The following ASIC2 variants were observed in gnomAD, a reference collection of about 807,000 sequenced individuals.
The protein encoded by ASIC2 is acid-sensing ion channel 2.
In ASIC2, 25 loss-of-function variants were observed where a neutral mutation model predicts 57.3. That is an observed-to-expected ratio of 0.44 (90% CI 0.32 to 0.61). The LOEUF (loss-of-function observed/expected upper bound fraction) is 0.61. ASIC2 is among the 20% of genes least tolerant of loss of function. The probability of loss-of-function intolerance (pLI) is 0.06; values close to 1 mark genes in which losing one functional copy is unlikely to be tolerated. For missense variants in ASIC2, 641 were observed against 738.1 expected (o/e 0.87, Z 1.52); for synonymous variants, 319 against 307.5 (o/e 1.04, Z -0.39).
At chr17:34,130,074 G>A (rs1911905051) in intron 1 of ASIC2, among the ~76,000 whole-genome samples, 1 of 152,190 alleles carries the variant, frequency 6.6e-6, no homozygotes, top group African/African-American at 2.4e-5. Context: ...CTATTGCTCT[G>A]CACTCTTCAG....
intron 1 of ASIC2, among the ~76,000 whole-genome samples, chr17:33,145,207 T>C (rs1402361272): frequency 6.6e-6 from 1 of 152,252 alleles, no homozygotes; most frequent in East Asian, 1.9e-4. Flanking sequence ...CTGGGTGGAC[T>C]GGGGAAGGCA....
intron 1 of ASIC2, among the ~76,000 whole-genome samples, chr17:33,718,410 C>A (rs956941209): frequency 6.6e-6 from 1 of 151,494 alleles, no homozygotes; most frequent in Non-Finnish European, 1.5e-5. Context: ...GTGGAAGGGG[C>A]CAGAGAGAAC....
chr17:33,146,759 C>T (rs1436904146), intron 1 of ASIC2, among the ~76,000 whole-genome samples: 1 of 152,232 alleles, frequency 6.6e-6, no homozygotes, highest in Non-Finnish European at 1.5e-5. Flanking sequence ...TTGCAAAGAA[C>T]AGCCGAGGCC....
At chr17:33,411,257 C>G (rs973804276) in intron 1 of ASIC2, among the ~76,000 whole-genome samples, 2 of 152,030 alleles carry the variant, frequency 1.3e-5, no homozygotes, top group Non-Finnish European at 2.9e-5. Context: ...AATTTTCTAC[C>G]CTATTGTTTT....
chr17:33,235,733 T>A (rs1296064205), intron 1 of ASIC2, among the ~76,000 whole-genome samples: 1 of 152,140 alleles, frequency 6.6e-6, no homozygotes, highest in Non-Finnish European at 1.5e-5. Context: ...GGTGCCAGAT[T>A]AAGATGAATT....
intron 1 of ASIC2, among the ~76,000 whole-genome samples, chr17:33,521,020 C>T (rs1169946686): frequency 2.0e-5 from 3 of 151,942 alleles, no homozygotes; most frequent in Non-Finnish European, 4.4e-5. Context: ...TTATGGCAGC[C>T]AGGAGTCTGA....
chr17:33,790,198 A>C (rs151319790), intron 1 of ASIC2, among the ~76,000 whole-genome samples: 1 of 152,198 alleles, frequency 6.6e-6, no homozygotes, highest in Non-Finnish European at 1.5e-5. Context: ...AAAATTCTTG[A>C]ATTTGTAAGA....
At chr17:33,995,266 T>C (rs1597966525) in intron 1 of ASIC2, among the ~76,000 whole-genome samples, 1 of 152,282 alleles carries the variant, frequency 6.6e-6, no homozygotes, top group South Asian at 2.1e-4. Context: ...TGGATAAAAT[T>C]GGGCAAGTGG....
intron 1 of ASIC2, among the ~76,000 whole-genome samples, chr17:33,502,549 C>G (rs952208001): frequency 6.6e-6 from 1 of 152,240 alleles, no homozygotes; most frequent in Non-Finnish European, 1.5e-5. Flanking sequence ...TCCATCTGTG[C>G]TTCCAGGAGA....
At chr17:33,612,914 C>T (rs1905457969) in intron 1 of ASIC2, among the ~76,000 whole-genome samples, 1 of 152,170 alleles carries the variant, frequency 6.6e-6, no homozygotes, top group African/African-American at 2.4e-5. Context: ...TCCATTATCT[C>T]TTCTGTTCCA....
chr17:33,747,511 T>C (rs560689123), intron 1 of ASIC2, among the ~76,000 whole-genome samples: 4 of 152,134 alleles, frequency 2.6e-5, no homozygotes, highest in African/African-American at 4.8e-5. Flanking sequence ...GCGTACTCCA[T>C]TGTGCCTGGC....
intron 1 of ASIC2, among the ~76,000 whole-genome samples, chr17:33,835,035 G>A (rs554052702): frequency 7.2e-5 from 11 of 152,344 alleles, no homozygotes; most frequent in Non-Finnish European, 1.5e-4. Flanking sequence ...CTAGCACTGT[G>A]GGTGTAGTAA....
chr17:33,457,355 T>C (rs1912486114), intron 1 of ASIC2, among the ~76,000 whole-genome samples: 1 of 152,138 alleles, frequency 6.6e-6, no homozygotes, highest in Non-Finnish European at 1.5e-5. Flanking sequence ...ATTGAGTCTA[T>C]TTACTGAGTG....
chr17:33,483,683 G>C (rs1410012665), intron 1 of ASIC2, among the ~76,000 whole-genome samples: 1 of 152,184 alleles, frequency 6.6e-6, no homozygotes, highest in Non-Finnish European at 1.5e-5. Flanking sequence ...ACTGTGGTTT[G>C]GTGACTATTC....
chr17:33,479,250 C>T (rs942558558), intron 1 of ASIC2, among the ~76,000 whole-genome samples: 1 of 152,142 alleles, frequency 6.6e-6, no homozygotes, highest in Non-Finnish European at 1.5e-5. Flanking sequence ...CCGCCCACCT[C>T]AGCCTCCCAA....
chr17:33,363,262 A>T (rs1014057345), intron 1 of ASIC2, among the ~76,000 whole-genome samples: 2 of 152,204 alleles, frequency 1.3e-5, no homozygotes, highest in Non-Finnish European at 2.9e-5. Context: ...GGAAGAGCAG[A>T]AGACAGCCTG....
intron 1 of ASIC2, among the ~76,000 whole-genome samples, chr17:33,744,672 T>C (rs1337582076): frequency 6.6e-6 from 1 of 152,172 alleles, no homozygotes; most frequent in Non-Finnish European, 1.5e-5. Context: ...AACAAAAATG[T>C]GTGACCCATA....
chr17:34,087,953 CAAAGTT>C (rs1179142884), intron 1 of ASIC2, among the ~76,000 whole-genome samples: 1 of 152,080 alleles, frequency 6.6e-6, no homozygotes, highest in African/African-American at 2.4e-5. Flanking sequence ...AAATTTTTTT[CAAAGTT>C]TTTAACTTCT....
At chr17:34,111,886 G>A (rs994949181) in intron 1 of ASIC2, among the ~76,000 whole-genome samples, 1 of 152,108 alleles carries the variant, frequency 6.6e-6, no homozygotes, top group African/African-American at 2.4e-5. Flanking sequence ...ATAAATTTTA[G>A]TGATTATTTA....
Sources: gnomAD v4.1 joint callset for allele counts (sites outside exome capture counted in the v4.1 genomes callset) on GRCh38, gnomAD v4.1.1 for gene constraint, MANE v1.5 for transcripts, NCBI Gene and HGNC (gene_info 2026-07-23, HGNC 2026-07-21) for gene names.